GLYATL1: variants seen among roughly 807,000 people sequenced by gnomAD.
GLYATL1 encodes glycine-N-acyltransferase like 1.
A neutral mutation model predicts 20.0 loss-of-function variants in GLYATL1; 15 were observed. The observed-to-expected ratio is 0.75, with a 90% confidence interval of 0.50 to 1.15. The LOEUF is 1.15. GLYATL1 is among the 50% of genes most tolerant of loss of function. The pLI is 0.00. For synonymous variants in GLYATL1, 151 were observed against 131.5 expected, an observed-to-expected ratio of 1.15 and a Z score of -1.01; for missense variants, 380 against 368.5, an observed-to-expected ratio of 1.03 and a Z score of -0.26.
intron 4 of GLYATL1, 144 bp from the exon 5 acceptor site, chr11:58,954,626 T>G (rs986434840): frequency 1.7e-5 from 11 of 662,660 alleles, no homozygotes; most frequent in Non-Finnish European, 2.6e-5. Flanking sequence ...AGGCCTAGGT[T>G]TTATTATCGA....
downstream of GLYATL1, among the ~76,000 whole-genome samples, chr11:58,910,173 G>C (rs577272202): frequency 6.6e-6 from 1 of 152,106 alleles, no homozygotes; most frequent in East Asian, 1.9e-4. Flanking sequence ...CCTAAAAAGT[G>C]GGAGAGGGGT....
At chr11:58,954,618 G>T in intron 4 of GLYATL1, 152 bp from the exon 5 acceptor site, 2 of 621,572 alleles carry the variant, frequency 3.2e-6, no homozygotes, top group Non-Finnish European at 5.7e-6. Flanking sequence ...TAGCTTATAG[G>T]CCTAGGTTTT....
At chr11:58,948,122 G>A (rs1159703329) in intron 4 of GLYATL1, among the ~76,000 whole-genome samples, 157 bp downstream of exon 4, 1 of 152,176 alleles carries the variant, frequency 6.6e-6, no homozygotes, top group Non-Finnish European at 1.5e-5. Flanking sequence ...AGTGCCACGT[G>A]TTCCCACCCT....
At chr11:58,905,879 G>A (rs552517287) in intron 1 of GLYATL1, among the ~76,000 whole-genome samples, 1 of 152,348 alleles carries the variant, frequency 6.6e-6, no homozygotes, top group Admixed American at 6.5e-5. Context: ...AGCTTCCAAA[G>A]TGGATGAGAG....
chr11:58,952,204 A>T (rs1161213939), intron 4 of GLYATL1, among the ~76,000 whole-genome samples: 1 of 152,160 alleles, frequency 6.6e-6, no homozygotes, highest in East Asian at 1.9e-4. Flanking sequence ...GGTAAATTTT[A>T]TGTTATTTAA....
chr11:58,919,606 G>A (rs1410808832), intron 1 of GLYATL1, among the ~76,000 whole-genome samples: 1 of 152,108 alleles, frequency 6.6e-6, no homozygotes, highest in Non-Finnish European at 1.5e-5. Context: ...CTCTGTCTGG[G>A]TGGGGAAAGC....
chr11:58,922,869 C>T (rs553249247), upstream of GLYATL1, among the ~76,000 whole-genome samples: 16 of 152,298 alleles, frequency 1.1e-4, no homozygotes, highest in African/African-American at 2.9e-4. Flanking sequence ...GTCCTCCAAC[C>T]GTGGTCATCA....
intron 4 of GLYATL1, among the ~76,000 whole-genome samples, chr11:58,953,126 G>A (rs1490814291): frequency 6.6e-6 from 1 of 152,164 alleles, no homozygotes; most frequent in African/African-American, 2.4e-5. Flanking sequence ...CATGTCCTTT[G>A]TAGCAACATG....
At chr11:58,918,182 C>A (rs1855223396) in intron 1 of GLYATL1, among the ~76,000 whole-genome samples, 1 of 152,196 alleles carries the variant, frequency 6.6e-6, no homozygotes, top group African/African-American at 2.4e-5. Context: ...TAAGAAGGAG[C>A]AAGAGGCAAG....
At chr11:58,954,327 A>G (rs1290284821) in intron 4 of GLYATL1, among the ~76,000 whole-genome samples, 1 of 152,246 alleles carries the variant, frequency 6.6e-6, no homozygotes, top group East Asian at 1.9e-4. Flanking sequence ...GGCACAGTAT[A>G]TATAACAGGA....
upstream of GLYATL1, chr11:58,935,545 A>G (rs1183722385): frequency 1.3e-5 from 2 of 152,166 alleles, no homozygotes; most frequent in East Asian, 3.9e-4. Flanking sequence ...ATTTTCATGC[A>G]TAGATAGTTG....
chr11:58,935,883 G>T (rs896462884), upstream of GLYATL1, among the ~76,000 whole-genome samples: 1 of 152,020 alleles, frequency 6.6e-6, no homozygotes, highest in Non-Finnish European at 1.5e-5. Flanking sequence ...ATTCATCAAG[G>T]TTTATATATT....
intron 1 of GLYATL1, chr11:58,928,298 GT>G (rs1565121492): frequency 6.6e-6 from 1 of 152,188 alleles, no homozygotes; most frequent in Non-Finnish European, 1.5e-5. Flanking sequence ...GTAACCTTGA[GT>G]GGGCACCAAT....
At chr11:58,934,569 G>T (rs1042950424), upstream of GLYATL1, 2 of 152,326 alleles carry the variant, frequency 1.3e-5, no homozygotes, top group African/African-American at 4.8e-5. Flanking sequence ...GGGCCACAAA[G>T]GGTGGCTTGG....
chr11:58,956,193 G>A lies in GLYATL1; in HGVS notation c.*166G>A. On this transcript the variant is annotated 3_prime_UTR_variant, in exon 7 of 7. Coordinates refer to ENST00000532726, the MANE Select transcript of GLYATL1 (RefSeq NM_001389712.2). ...TAAAAGACACAGCCATGCTCTTGAGGAGCTTACAATCCTGGCTGGAGGCAG... is the reference window on the plus strand; with the variant it reads ...TAAAAGACACAGCCATGCTCTTGAGAAGCTTACAATCCTGGCTGGAGGCAG... 1 of 657,428 alleles carries A rather than the reference G, an allele frequency of 1.5e-6. No individual in the cohort carries two copies. The highest frequency in any genetic ancestry group is 2.0e-5 in the South Asian group (1 of 48,938). 40.7% of individuals were successfully genotyped at this position (657,428 alleles called of 1,614,324 possible). A position where few individuals can be genotyped will look rare whatever the true frequency, so the allele number is the denominator to read the frequency against.
upstream of GLYATL1, among the ~76,000 whole-genome samples, chr11:58,935,942 C>A (rs1481504475): frequency 2.0e-5 from 3 of 151,980 alleles, no homozygotes; most frequent in Non-Finnish European, 4.4e-5. Context: ...TAAAGTAGTT[C>A]TACAAAAAAA....
intron 4 of GLYATL1, among the ~76,000 whole-genome samples, chr11:58,953,212 T>C (rs1423230404): frequency 6.6e-6 from 1 of 152,192 alleles, no homozygotes; most frequent in Non-Finnish European, 1.5e-5. Context: ...TATTTTCTAT[T>C]AGTTTGTTCA....
At chr11:58,955,571 G>T in intron 6 of GLYATL1, 39 bp from the exon 7 acceptor site, 1 of 1,594,058 alleles carries the variant, frequency 6.3e-7, no homozygotes, top group Non-Finnish European at 8.6e-7. Context: ...TTACAGGATT[G>T]GGGATGAAAG....
intron 4 of GLYATL1, among the ~76,000 whole-genome samples, chr11:58,948,985 A>G (rs1167110157): frequency 6.6e-6 from 1 of 152,256 alleles, no homozygotes; most frequent in Non-Finnish European, 1.5e-5. Context: ...TCAGAGGATT[A>G]CACAAGGTTT....
Sources: gnomAD v4.1 joint callset for allele counts (sites outside exome capture counted in the v4.1 genomes callset) on GRCh38, gnomAD v4.1.1 for gene constraint, MANE v1.5 for transcripts, NCBI Gene and HGNC (gene_info 2026-07-23, HGNC 2026-07-21) for gene names.